The following MOXD1 variants were observed in gnomAD, a reference collection of about 807,000 sequenced individuals.
The protein encoded by MOXD1 is DBH-like monooxygenase protein 1.
In MOXD1, 62 loss-of-function variants were observed where a neutral mutation model predicts 66.6. The observed-to-expected ratio is 0.93, with a 90% CI of 0.76 to 1.15. The LOEUF (loss-of-function observed/expected upper bound fraction) is 1.15. Ranked by LOEUF, MOXD1 falls within the 50% of genes most tolerant of loss-of-function variation. The pLI, the probability that MOXD1 is intolerant of heterozygous loss-of-function variation, is 0.00. For missense variants in MOXD1, 847 were observed against 754.6 expected (o/e 1.12, Z -1.44); for synonymous variants, 303 against 281.9 (o/e 1.07, Z -0.75).
chr6:132,401,295 C>T lies in MOXD1; in HGVS notation c.132G>A (p.Arg44=), dbSNP rs777890976. Residue 44 remains arginine (R), a synonymous_variant, in exon 1 of 12, where the codon CGG becomes CGA. Coordinates refer to ENST00000367963, the MANE Select transcript of MOXD1 (RefSeq NM_015529.4). ...GGAGGCGGAAGGCGATCTGGCTGCC[C>T]CGCTGGCTCCAGCCCAGCCAGTACT... ...EGKYWLGWSQ[R]GSQIAFRLQV... is the part of the protein sequence containing the mutation. The T allele has an allele frequency of 6.5e-5, 104 of 1,597,846 alleles. No individual in the cohort carries two copies. The Middle Eastern group carries it at 1.6e-3, about 25-fold the overall frequency.
At chr6:132,351,831 G>T (rs1346400122) in intron 4 of MOXD1, among the ~76,000 whole-genome samples, 1 of 152,046 alleles carries the variant, frequency 6.6e-6, no homozygotes, top group Non-Finnish European at 1.5e-5. Flanking sequence ...TCTGTTCAAG[G>T]TATCTAATTT....
intron 1 of MOXD1, among the ~76,000 whole-genome samples, chr6:132,376,203 C>T (rs1315247646): frequency 6.6e-6 from 1 of 152,144 alleles, no homozygotes; most frequent in Non-Finnish European, 1.5e-5. Flanking sequence ...CATGCTGAAA[C>T]ATAATTATAA....
chr6:132,388,390 A>G (rs949294049), intron 1 of MOXD1, among the ~76,000 whole-genome samples: 4 of 151,458 alleles, frequency 2.6e-5, no homozygotes, highest in African/African-American at 9.7e-5. Flanking sequence ...CCCGTCTAGA[A>G]GATTTCCTGC....
chr6:132,397,690 GAA>G (rs1333774509), intron 1 of MOXD1, among the ~76,000 whole-genome samples: 5 of 122,090 alleles, frequency 4.1e-5, no homozygotes, highest in African/African-American at 1.2e-4. Flanking sequence ...AAGAAAGAAA[GAA>G]AGAAAGAAAA....
chr6:132,387,850 T>C (rs1225325466), intron 1 of MOXD1, among the ~76,000 whole-genome samples: 2 of 149,946 alleles, frequency 1.3e-5, no homozygotes, highest in African/African-American at 4.9e-5. Flanking sequence ...TACAAGGATA[T>C]AGTGAGAAAC....
Position 132,372,990 on chromosome 6 carries a change from G to A in MOXD1, c.419C>T (p.Thr140Ile), listed in dbSNP as rs780066560. Residue 140 changes from threonine (T) to isoleucine (I), a missense_variant, in exon 3 of 12, where the codon ACT (threonine) becomes ATT (isoleucine). Transcript: ENST00000367963. ...GTGGTAGGCCCAGATCACTCTCACA[G>A]TGCTATCCTGGGGATCAGACATGGG... ...DINDKSITDS[T>I]VRVIWAYHHE... The A allele has an allele frequency of 8.7e-6, 14 of 1,612,074 alleles. No individual in the cohort carries two copies. The highest frequency in any genetic ancestry group is 2.2e-5 in the East Asian group (1 of 44,856).
chr6:132,311,072 C>A (rs539480515), intron 10 of MOXD1, among the ~76,000 whole-genome samples: 5 of 152,268 alleles, frequency 3.3e-5, no homozygotes, highest in African/African-American at 1.2e-4. Flanking sequence ...ACTTATGAAT[C>A]CTACAAGTAA....
chr6:132,305,590 A>G (rs1317112211), intron 10 of MOXD1, among the ~76,000 whole-genome samples: 1 of 152,222 alleles, frequency 6.6e-6, no homozygotes, highest in Non-Finnish European at 1.5e-5. Flanking sequence ...TTGTACAGGA[A>G]TAATCCTACT....
chr6:132,309,032 A>C (rs562265193), intron 10 of MOXD1, among the ~76,000 whole-genome samples: 3 of 152,242 alleles, frequency 2.0e-5, no homozygotes, highest in African/African-American at 7.2e-5. Context: ...CAATCAGGCA[A>C]TAGAAAGAAA....
intron 4 of MOXD1, among the ~76,000 whole-genome samples, chr6:132,347,643 C>G (rs1362871445): frequency 2.6e-5 from 4 of 151,192 alleles, no homozygotes; most frequent in Non-Finnish European, 2.9e-5. Flanking sequence ...TACCACTGCA[C>G]TCCAGCCTGT....
chr6:132,345,919 G>A (rs1775660558), intron 4 of MOXD1, among the ~76,000 whole-genome samples: 1 of 152,006 alleles, frequency 6.6e-6, no homozygotes, highest in South Asian at 2.1e-4. Context: ...CCTGATGGGG[G>A]GATCCCAGCA....
chr6:132,368,449 G>A (rs1469881580), intron 4 of MOXD1, among the ~76,000 whole-genome samples: 2 of 151,874 alleles, frequency 1.3e-5, no homozygotes, highest in Non-Finnish European at 2.9e-5. Flanking sequence ...GCTGTCATCT[G>A]ATAATACCCA....
intron 4 of MOXD1, among the ~76,000 whole-genome samples, chr6:132,330,248 T>C (rs1775287495): frequency 6.6e-6 from 1 of 152,150 alleles, no homozygotes; most frequent in Non-Finnish European, 1.5e-5. Context: ...TGAGCAAAGC[T>C]TCATCTGTAT....
intron 9 of MOXD1, among the ~76,000 whole-genome samples, chr6:132,316,626 C>A (rs999262122): frequency 1.3e-5 from 2 of 151,970 alleles, no homozygotes; most frequent in Non-Finnish European, 2.9e-5. Flanking sequence ...AGGATAAGCT[C>A]AACAGCAAGT....
intron 4 of MOXD1, among the ~76,000 whole-genome samples, chr6:132,350,119 T>C (rs748929732): frequency 2.6e-5 from 4 of 152,250 alleles, no homozygotes; most frequent in Non-Finnish European, 1.5e-5. Context: ...GCAAAAGCTC[T>C]TTAGTTTAAT....
intron 1 of MOXD1, among the ~76,000 whole-genome samples, chr6:132,387,546 G>A (rs1776676264): frequency 1.3e-5 from 2 of 150,658 alleles, no homozygotes; most frequent in Non-Finnish European, 3.0e-5. Context: ...TTGAGGTCAG[G>A]AGTTTGAGAC....
chr6:132,349,404 T>C lies in MOXD1; in HGVS notation c.664-20810A>G, dbSNP rs1225678565. 4.7e-5 allele frequency among the ~76,000 whole-genome samples: 2 copies of C among 42,406 alleles called. 1 individual carries two copies. Among genetic ancestry groups the C allele is most frequent in the African/African-American group, 2.3e-4 (2 of 8,862 alleles). The allele number at this position is 42,406 out of a possible 152,430, so 27.8% of individuals were successfully genotyped here. A position where few individuals can be genotyped will look rare whatever the true frequency, so the allele number is the denominator to read the frequency against. ...ATGTATATATATATACACATATATA[T>C]ACATATATATATATATACATATATA... is the stretch of plus-strand genomic sequence containing the variant. On this transcript the variant is annotated intron_variant, in intron 4 of 11. Coordinates refer to ENST00000367963, the MANE Select transcript of MOXD1 (RefSeq NM_015529.4).
chr6:132,368,552 G>A (rs1327191765), intron 4 of MOXD1, among the ~76,000 whole-genome samples: 1 of 151,732 alleles, frequency 6.6e-6, no homozygotes, highest in East Asian at 1.9e-4. Context: ...GCCAATAATT[G>A]TATTATAATC....
chr6:132,330,085 C>T (rs566188253), intron 4 of MOXD1, among the ~76,000 whole-genome samples: 1 of 152,218 alleles, frequency 6.6e-6, no homozygotes, highest in East Asian at 1.9e-4. Flanking sequence ...CCCTAGCATC[C>T]CAGAGATTCT....
Sources: gnomAD v4.1 joint callset for allele counts (sites outside exome capture counted in the v4.1 genomes callset) on GRCh38, gnomAD v4.1.1 for gene constraint, MANE v1.5 for transcripts, NCBI Gene and HGNC (gene_info 2026-07-23, HGNC 2026-07-21) for gene names.